Variants in FAM193A observed in about 807,000 individuals in gnomAD.
FAM193A encodes family with sequence similarity 193 member A, also known as protein FAM193A.
FAM193A carries 22 observed loss-of-function variants against 126.5 expected under a neutral mutation model. The ratio of observed to expected loss-of-function variants is 0.17; its 90% CI spans 0.12 to 0.25. FAM193A has a LOEUF of 0.25. Among genes scored for constraint, FAM193A ranks in the 10% least tolerant of loss-of-function variants. The pLI is 1.00. For missense variants in FAM193A, 1,675 were observed against 1,672.8 expected (o/e 1.00, Z -0.02); for synonymous variants, 761 against 646.8 (o/e 1.18, Z -2.68).
At chr4:2,564,021 C>A (rs1490540590) in intron 1 of FAM193A, among the ~76,000 whole-genome samples, 1 of 152,150 alleles carries the variant, frequency 6.6e-6, no homozygotes, top group South Asian at 2.1e-4. Context: ...GCAGAAGCAG[C>A]TGTAGTTTTC....
At chr4:2,615,587 C>T (rs893463643) in intron 2 of FAM193A, among the ~76,000 whole-genome samples, 9 of 152,250 alleles carry the variant, frequency 5.9e-5, no homozygotes, top group East Asian at 5.8e-4. Flanking sequence ...GGTGCGATCT[C>T]GGCTCACTGC....
intron 19 of FAM193A, among the ~76,000 whole-genome samples, chr4:2,708,862 A>G (rs921149507): frequency 2.0e-5 from 3 of 152,152 alleles, no homozygotes; most frequent in South Asian, 2.1e-4. Flanking sequence ...ATATATGTGT[A>G]CAAATAGAGA....
At position 2,631,033 on chromosome 4, in the gene FAM193A, CGGCTGCGGCCAAGGTGAA is replaced by C; in HGVS notation, c.906_923del (p.Ala303_Ala308del). The C allele has an allele frequency of 6.2e-7, 1 of 1,613,556 alleles. No homozygotes were observed. The highest frequency in any genetic ancestry group is 8.5e-7 in the Non-Finnish European group (1 of 1,180,014). On this transcript the variant is annotated inframe_deletion, in exon 5 of 21. Coordinates refer to ENST00000637812, the MANE Select transcript of FAM193A (RefSeq NM_001366318.2). ...AAGGTCCGCCTGCTCCGGCAGCTGT[CGGCTGCGGCCAAGGTGAA>C]GGCACCATCTGGCCTGCAGGGCCCG...
chr4:2,640,641 C>T (rs1432684018), intron 6 of FAM193A, among the ~76,000 whole-genome samples: 1 of 152,144 alleles, frequency 6.6e-6, no homozygotes, highest in Non-Finnish European at 1.5e-5. Flanking sequence ...ACAGACCCAT[C>T]GTGACAGCAG....
At chr4:2,715,956 T>A in intron 19 of FAM193A, 67 bp from the exon 20 acceptor site, 1 of 910,956 alleles carries the variant, frequency 1.1e-6, no homozygotes, top group East Asian at 2.4e-5. Flanking sequence ...AGACAAATGA[T>A]TTCTTCCGTT....
chr4:2,608,074 C>T (rs958403840), intron 2 of FAM193A: 23 of 1,608,996 alleles, frequency 1.4e-5, no homozygotes, highest in Admixed American at 1.2e-4. Flanking sequence ...AAGGTGAAGC[C>T]GGCCTGATTC....
At position 2,712,804 on chromosome 4, in the gene FAM193A, TA is replaced by T. The variant is rs940382063; in HGVS notation, c.4373-3209del. Among the ~76,000 whole-genome samples the T allele has an allele frequency of 4.0e-5, 6 of 150,382 alleles. No individual in the cohort carries two copies. The East Asian group carries it at 7.8e-4, about 19-fold the overall frequency. The stretch of plus-strand genomic sequence containing the variant: ...TTGTGGGGTTTTTTGCTTTTTTATT[TA>T]AAAAAAAAATTGTGGGGCTGGGCGT... On this transcript the variant is annotated intron_variant, in intron 19 of 20. Transcript: ENST00000637812.
intron 1 of FAM193A, among the ~76,000 whole-genome samples, chr4:2,574,994 C>G (rs1739503687): frequency 6.6e-6 from 1 of 152,158 alleles, no homozygotes; most frequent in African/African-American, 2.4e-5. Context: ...GCTCACACTC[C>G]TCTAACTTCT....
chr4:2,616,121 G>A (rs572850939), intron 2 of FAM193A, among the ~76,000 whole-genome samples: 14 of 152,298 alleles, frequency 9.2e-5, no homozygotes, highest in Admixed American at 9.2e-4. Flanking sequence ...ATGTAACTAT[G>A]GATTGGTATA....
Position 2,690,856 on chromosome 4 carries a change from A to C in FAM193A, c.2689A>C (p.Asn897His), listed in dbSNP as rs1302077737. 1 of 1,614,222 alleles carries C rather than the reference A, an allele frequency of 6.2e-7. No individual in the cohort carries two copies. Among genetic ancestry groups the C allele is most frequent in the South Asian group, 1.1e-5 (1 of 91,088 alleles). The change falls in exon 15 of 21, where the codon AAT (asparagine) becomes CAT (histidine). Residue 897 changes from asparagine (N) to histidine (H), a missense_variant. Transcript: ENST00000637812. ...TTTCCAAGATGCTTTCATGGAAGCA[A>C]ATAAAGTTGTCATGGCCACGTCATC... ...YNFQDAFMEA[N>H]KVVMATSSAT...
intron 1 of FAM193A, among the ~76,000 whole-genome samples, chr4:2,573,202 T>C (rs1739392502): frequency 6.6e-6 from 1 of 151,988 alleles, no homozygotes; most frequent in African/African-American, 2.4e-5. Context: ...TCTGGACATG[T>C]GTGAATCTGT....
In FAM193A at chr4:2,700,162, C is replaced by A; in HGVS notation, c.3990C>A (p.His1330Gln). The A allele has an allele frequency of 6.2e-7, 1 of 1,613,524 alleles. No individual in the cohort carries two copies. Among genetic ancestry groups the A allele is most frequent in the Non-Finnish European group, 8.5e-7 (1 of 1,179,938 alleles). The part of the protein sequence containing the change: ...PLSFFFDIMQ[H>Q]HKEGNGKQKL... ...CTTTTTTCTTCGACATCATGCAGCA[C>A]CATAAAGAAGGAAATGGCAAGCAGA... is the stretch of plus-strand genomic sequence containing the variant. Residue 1330 changes from histidine (H) to glutamine (Q), a missense_variant, in exon 19 of 21, where the codon CAC (histidine) becomes CAA (glutamine). His to Gln is a conservative substitution (Grantham distance 24). This residue lies in a region of FAM193A where 415 missense variants were observed against 396.7 expected (regional missense o/e 1.05). Coordinates refer to ENST00000637812, the MANE Select transcript of FAM193A (RefSeq NM_001366318.2).
At chr4:2,722,942 C>T (rs544221451) in intron 20 of FAM193A, among the ~76,000 whole-genome samples, 1 of 152,264 alleles carries the variant, frequency 6.6e-6, no homozygotes, top group East Asian at 1.9e-4. Context: ...CAGGAATGAG[C>T]CACCACACCT....
chr4:2,627,609 ACT>A (rs1161906229), intron 4 of FAM193A, among the ~76,000 whole-genome samples: 4 of 108,672 alleles, frequency 3.7e-5, no homozygotes, highest in African/African-American at 1.1e-4. Context: ...ATGGAGTCTC[ACT>A]CTGTCGCCCA....
At chr4:2,560,865 C>T (rs1467100824) in intron 1 of FAM193A, among the ~76,000 whole-genome samples, 2 of 152,130 alleles carry the variant, frequency 1.3e-5, no homozygotes, top group Admixed American at 1.3e-4. Flanking sequence ...TCAGGCTGGT[C>T]TCGAACTCCT....
intron 13 of FAM193A, among the ~76,000 whole-genome samples, chr4:2,688,475 A>G (rs778072536): frequency 7.2e-5 from 11 of 151,990 alleles, no homozygotes; most frequent in Non-Finnish European, 1.6e-4. Context: ...TGGACACAGC[A>G]CAAGCAGAAC....
At chr4:2,651,547 G>A (rs192427881) in intron 7 of FAM193A, among the ~76,000 whole-genome samples, 1 of 152,302 alleles carries the variant, frequency 6.6e-6, no homozygotes, top group East Asian at 1.9e-4. Context: ...CATCTTGTGA[G>A]AACTCGCTAT....
At chr4:2,641,420 A>T (rs1744611226) in intron 6 of FAM193A, among the ~76,000 whole-genome samples, 1 of 151,974 alleles carries the variant, frequency 6.6e-6, no homozygotes, top group African/African-American at 2.4e-5. Flanking sequence ...GCACTTTGGG[A>T]GGCCGAGGCG....
chr4:2,642,929 G>A (rs1028410809), intron 6 of FAM193A, among the ~76,000 whole-genome samples: 1 of 151,824 alleles, frequency 6.6e-6, no homozygotes, highest in African/African-American at 2.4e-5. Flanking sequence ...TAGAGACGGG[G>A]TTTCACCGTG....
Sources: gnomAD v4.1 joint callset for allele counts (sites outside exome capture counted in the v4.1 genomes callset) on GRCh38, gnomAD v4.1.1 for gene constraint, gnomAD v4.1.1 regional missense constraint, MANE v1.5 for transcripts, NCBI Gene and HGNC (gene_info 2026-07-23, HGNC 2026-07-21) for gene names.